Variants in ITGB6 observed in about 807,000 individuals in gnomAD.
ITGB6 encodes the protein integrin subunit beta 6.
A neutral mutation model predicts 84.5 loss-of-function variants in ITGB6; 80 were observed. That is an observed-to-expected ratio of 0.95 (90% CI 0.79 to 1.14). The LOEUF (loss-of-function observed/expected upper bound fraction) is 1.14, where lower values mean the gene tolerates loss of function less well. Ranked by LOEUF, ITGB6 falls within the 50% of genes most tolerant of loss-of-function variation. The pLI, the probability that ITGB6 is intolerant of heterozygous loss-of-function variation, is 0.00. For synonymous variants in ITGB6, 383 were observed against 354.9 expected, an observed-to-expected ratio of 1.08 and a Z score of -0.89; for missense variants, 1,006 against 968.0, an observed-to-expected ratio of 1.04 and a Z score of -0.52.
chr2:160,116,006 A>C (rs1054485577), intron 12 of ITGB6, among the ~76,000 whole-genome samples: 2 of 147,040 alleles, frequency 1.4e-5, no homozygotes, highest in Non-Finnish European at 3.0e-5. Context: ...GAAATATGGG[A>C]CTATGTGAAA....
chr2:160,179,247 T>C (rs1260320815), intron 4 of ITGB6, among the ~76,000 whole-genome samples: 1 of 151,982 alleles, frequency 6.6e-6, no homozygotes, highest in Non-Finnish European at 1.5e-5. Context: ...TTAGAAATGA[T>C]TTTCACTTCT....
chr2:160,147,099 A>AG (rs1224609230), intron 7 of ITGB6, among the ~76,000 whole-genome samples: 1 of 151,470 alleles, frequency 6.6e-6, no homozygotes, highest in Non-Finnish European at 1.5e-5. Context: ...AAAAAAAAAA[A>AG]AAGAAAGAAA....
rs997117450 is a variant in ITGB6 at position 160,123,886 on chromosome 2, C to T, written c.1886G>A (p.Ser629Asn). The T allele has an allele frequency of 1.2e-6, 2 of 1,612,096 alleles. No homozygotes were observed. Among genetic ancestry groups the T allele is most frequent in the Non-Finnish European group, 1.7e-6 (2 of 1,178,514 alleles). ...TCGDPCNSKRSCIECHLSAAG... is the reference protein window; with the variant it reads ...TCGDPCNSKRNCIECHLSAAG... ...TGCTGACAGGTGGCACTCAATGCAG[C>T]TCCTGTGGACAGTATCCAACAGTGT... Residue 629 changes from serine to asparagine, a missense_variant and splice_region_variant, in exon 12 of 15, where the codon AGC (serine) becomes AAC (asparagine). Ser to Asn is a conservative substitution (Grantham distance 46, BLOSUM62 1). Transcript: ENST00000283249.
intron 7 of ITGB6, among the ~76,000 whole-genome samples, chr2:160,162,816 C>T (rs1359378650): frequency 2.6e-5 from 4 of 152,108 alleles, no homozygotes; most frequent in Non-Finnish European, 2.9e-5. Flanking sequence ...GACAGGGTTT[C>T]GCCATGTTGG....
chr2:160,176,136 C>T (rs1388081702), intron 4 of ITGB6, among the ~76,000 whole-genome samples: 1 of 152,226 alleles, frequency 6.6e-6, no homozygotes, highest in Non-Finnish European at 1.5e-5. Context: ...CACTGAATGG[C>T]ATAGCCCAAT....
Position 160,101,662 on chromosome 2 carries a change from A to T in ITGB6, c.*74T>A. 1.2e-6 allele frequency: 1 copy of T among 863,498 alleles called. No individual in the cohort carries two copies. Among genetic ancestry groups the T allele is most frequent in the Non-Finnish European group, 2.0e-6 (1 of 512,576 alleles). 53.5% of individuals were successfully genotyped at this position (863,498 alleles called of 1,614,324 possible). A position where few individuals can be genotyped will look rare whatever the true frequency, so the allele number is the denominator to read the frequency against. Reference sequence around the variant, plus strand: ...TAAACCAACCTCATTTTGAAGCAACAAAGAGAAAAAAATTAAATAGTGCAT... The same window carrying T: ...TAAACCAACCTCATTTTGAAGCAACTAAGAGAAAAAAATTAAATAGTGCAT... On this transcript the variant is annotated 3_prime_UTR_variant, in exon 15 of 15. Transcript: ENST00000283249.
intron 12 of ITGB6, among the ~76,000 whole-genome samples, chr2:160,120,114 C>G (rs1284802420): frequency 6.6e-6 from 1 of 151,836 alleles, no homozygotes; most frequent in Non-Finnish European, 1.5e-5. Flanking sequence ...TGTGGCGATT[C>G]CTCAGGGATC....
chr2:160,179,415 C>T (rs1394132482), intron 4 of ITGB6, among the ~76,000 whole-genome samples: 2 of 133,132 alleles, frequency 1.5e-5, no homozygotes, highest in Non-Finnish European at 3.1e-5. Flanking sequence ...TTGAGATGGA[C>T]TCTCACTCTG....
In ITGB6 at chr2:160,117,402, T is replaced by A. The variant is rs1363991964; in HGVS notation, c.1982-5203A>T. Among the ~76,000 whole-genome samples, 5 of 151,964 alleles carry A rather than the reference T, an allele frequency of 3.3e-5. No individual in the cohort carries two copies. In the East Asian group the frequency reaches 9.7e-4, roughly 29 times the overall value. On this transcript the variant is annotated intron_variant, in intron 12 of 14. Transcript: ENST00000283249. ...ACTACATGGAAACTGAACAACCTGC[T>A]CCTGAATGACTACTGGGTACATAAC...
At chr2:160,197,490 C>T (rs1354745799) in intron 2 of ITGB6, among the ~76,000 whole-genome samples, 1 of 152,160 alleles carries the variant, frequency 6.6e-6, no homozygotes, top group Non-Finnish European at 1.5e-5. Flanking sequence ...GTGGGCATGA[C>T]ACTATGCAAA....
At position 160,101,850 on chromosome 2, in the gene ITGB6, AGATTC is replaced by A; in HGVS notation, c.2269-21_2269-17del. ...GATTGGTTCCCTGGAAAAAAAAAAA[AGATTC>A]AAGTGAAAGTATGTATATTTTGTTT... On this transcript the variant is annotated splice_polypyrimidine_tract_variant and intron_variant, in intron 14 of 14. Transcript: ENST00000283249. 8.9e-7 allele frequency: 1 copy of A among 1,121,404 alleles called. No homozygotes were observed. The highest frequency in any genetic ancestry group is 1.3e-6 in the Non-Finnish European group (1 of 742,416). 69.5% of individuals were successfully genotyped at this position (1,121,404 alleles called of 1,614,324 possible).
At chr2:160,184,291 C>T (rs61330151) in intron 4 of ITGB6, among the ~76,000 whole-genome samples, 6,111 of 152,002 alleles carry the variant, frequency 0.04, 465 homozygotes, top group East Asian at 0.3. Flanking sequence ...AAATGATAAA[C>T]AGGATATCAC....
At chr2:160,145,967 C>T (rs1013062564) in intron 7 of ITGB6, among the ~76,000 whole-genome samples, 8 of 152,204 alleles carry the variant, frequency 5.3e-5, no homozygotes, top group African/African-American at 1.9e-4. Context: ...TTGCTGGGTA[C>T]CTTGATTTGG....
intron 7 of ITGB6, among the ~76,000 whole-genome samples, chr2:160,148,798 C>T (rs1179751412): frequency 6.6e-6 from 1 of 152,250 alleles, no homozygotes; most frequent in East Asian, 1.9e-4. Context: ...GTGATTCTCT[C>T]CCGTACCTGG....
chr2:160,137,615 G>A lies in ITGB6; in HGVS notation c.1479C>T (p.Gly493=), dbSNP rs530917751. The A allele has an allele frequency of 1.7e-5, 27 of 1,614,162 alleles. 1 individual carries two copies. The South Asian group carries it at 2.1e-4, about 12-fold the overall frequency. The change falls in exon 10 of 15, where the codon GGC becomes GGT. Residue 493 remains glycine (G), a synonymous_variant. Transcript: ENST00000283249. ...AGGAATCTGTGCTCAGCATGTCCTC[G>A]CCACACTCACAGCGAGGCCCCATGT... The part of the protein sequence containing the change: ...PGHMGPRCEC[G]EDMLSTDSCK...
chr2:160,179,157 A>G (rs1361873426), intron 4 of ITGB6: 1 of 152,086 alleles, frequency 6.6e-6, no homozygotes, highest in Admixed American at 6.5e-5. Flanking sequence ...ATTTTTTGTT[A>G]AAATTTTAAA....
Position 160,123,771 on chromosome 2 carries a change from CA to C in ITGB6, c.1981+19del, listed in dbSNP as rs774334105. 39 of 1,595,568 alleles carry C rather than the reference CA, an allele frequency of 2.4e-5. 1 individual carries two copies. The Admixed American group carries it at 5.7e-4, about 23-fold the overall frequency. ...AAGAACTACATAAGGAAATGAAAAACAATTTAAGACAAGCAGAACCTTCTTC... is the reference window on the plus strand; with the variant it reads ...AAGAACTACATAAGGAAATGAAAAACATTTAAGACAAGCAGAACCTTCTTC... On this transcript the variant is annotated intron_variant, in intron 12 of 14. Coordinates refer to ENST00000283249, the MANE Select transcript of ITGB6 (RefSeq NM_000888.5).
intron 7 of ITGB6, among the ~76,000 whole-genome samples, chr2:160,147,888 A>C (rs1423588931): frequency 6.6e-6 from 1 of 152,224 alleles, no homozygotes; most frequent in African/African-American, 2.4e-5. Context: ...ATGGTAGAAA[A>C]ATCTAGATTA....
At chr2:160,181,211 T>G (rs1273326319) in intron 4 of ITGB6, among the ~76,000 whole-genome samples, 1 of 152,124 alleles carries the variant, frequency 6.6e-6, no homozygotes, top group Non-Finnish European at 1.5e-5. Context: ...CCCACTCTCA[T>G]GGAGCCCAGC....
Sources: allele counts gnomAD v4.1 joint callset (sites outside exome capture counted in the v4.1 genomes callset), GRCh38; gene constraint gnomAD v4.1.1; transcripts MANE v1.5; gene names NCBI Gene and HGNC (gene_info 2026-07-23, HGNC 2026-07-21).